The following CPEB3 variants were observed in gnomAD, a reference collection of about 807,000 sequenced individuals.
The protein encoded by CPEB3 is cytoplasmic polyadenylation element binding protein 3, also known as cytoplasmic polyadenylation element-binding protein 3.
Under a neutral mutation model 67.2 loss-of-function variants are expected in CPEB3, and 20 were observed. The observed-to-expected ratio is 0.30, with a 90% CI of 0.21 to 0.43. The LOEUF (loss-of-function observed/expected upper bound fraction) is 0.43, where lower values mean the gene tolerates loss of function less well. Among genes scored for constraint, CPEB3 ranks in the 20% least tolerant of loss-of-function variants. The probability of loss-of-function intolerance (pLI) is 1.00; values close to 1 mark genes in which losing one functional copy is unlikely to be tolerated. For missense variants in CPEB3, 746 were observed against 968.6 expected (o/e 0.77, Z 3.05); for synonymous variants, 376 against 393.1 (o/e 0.96, Z 0.51).
chr10:92,259,256 C>A (rs985156087), intron 1 of CPEB3, among the ~76,000 whole-genome samples: 8 of 151,934 alleles, frequency 5.3e-5, no homozygotes, highest in Non-Finnish European at 4.4e-5. Context: ...AGCCGCCACA[C>A]CCAGCCATTC....
At position 92,189,698 on chromosome 10, in the gene CPEB3, A is replaced by ATT. The variant is rs1035403421; in HGVS notation, c.1165+2777_1165+2778dup. Among the ~76,000 whole-genome samples, 210 of 88,056 alleles carry ATT rather than the reference A, an allele frequency of 2.4e-3. 20 individuals carry two copies. Among genetic ancestry groups the ATT allele is most frequent in the African/African-American group, 5.3e-3 (120 of 22,766 alleles). 57.8% of individuals were successfully genotyped at this position (88,056 alleles called of 152,430 possible). ...ACCTCTAGGTAGAGAGTCTCTAGTGATTTTTTTTTTTTTTTTTTTTTTTTT... is the reference window on the plus strand; with the variant it reads ...ACCTCTAGGTAGAGAGTCTCTAGTGATTTTTTTTTTTTTTTTTTTTTTTTTTT... On this transcript the variant is annotated intron_variant, in intron 3 of 9. Coordinates refer to ENST00000265997, the MANE Select transcript of CPEB3 (RefSeq NM_014912.5).
At chr10:92,174,697 C>A (rs555620899) in intron 4 of CPEB3, among the ~76,000 whole-genome samples, 5 of 152,236 alleles carry the variant, frequency 3.3e-5, no homozygotes, top group African/African-American at 1.2e-4. Flanking sequence ...TGAGGGTAAA[C>A]AATCATCTTT....
At chr10:92,252,841 G>A (rs1276547771) in intron 1 of CPEB3, among the ~76,000 whole-genome samples, 3 of 152,016 alleles carry the variant, frequency 2.0e-5, no homozygotes, top group Non-Finnish European at 4.4e-5. Context: ...GTATAAAACA[G>A]CATACATAAA....
chr10:92,270,479 C>G (rs989483369), intron 1 of CPEB3, among the ~76,000 whole-genome samples: 4 of 150,238 alleles, frequency 2.7e-5, no homozygotes, highest in Non-Finnish European at 5.9e-5. Flanking sequence ...AACTGGGAAA[C>G]AGGAGTGGGT....
chr10:92,201,402 C>T (rs1413149745), intron 2 of CPEB3, among the ~76,000 whole-genome samples: 1 of 152,150 alleles, frequency 6.6e-6, no homozygotes. Context: ...GTGGCATGTG[C>T]CTGTAAGCCC....
intron 1 of CPEB3, among the ~76,000 whole-genome samples, chr10:92,248,943 T>C (rs1852179789): frequency 6.6e-6 from 1 of 152,136 alleles, no homozygotes; most frequent in Non-Finnish European, 1.5e-5. Flanking sequence ...ACAATGATGG[T>C]CCCAAAGATT....
In CPEB3 at chr10:92,049,196, G is replaced by T. The variant is rs1312767527; in HGVS notation, c.*3016C>A. 1 of 152,184 alleles carries T rather than the reference G, an allele frequency of 6.6e-6. No homozygotes were observed. Among genetic ancestry groups the T allele is most frequent in the Non-Finnish European group, 1.5e-5 (1 of 67,954 alleles). 9.4% of individuals were successfully genotyped at this position (152,184 alleles called of 1,614,324 possible). On this transcript the variant is annotated 3_prime_UTR_variant, in exon 10 of 10. Coordinates refer to ENST00000265997, the MANE Select transcript of CPEB3 (RefSeq NM_014912.5). The stretch of plus-strand genomic sequence containing the variant: ...GCAATGAAAATAAATCTGCAATAAA[G>T]ATTTATGCCTTTTTTCTTTTCTTTT...
intron 4 of CPEB3, among the ~76,000 whole-genome samples, chr10:92,147,226 C>G (rs957889690): frequency 2.6e-5 from 4 of 152,146 alleles, no homozygotes; most frequent in African/African-American, 9.7e-5. Context: ...GAGGCCGAGG[C>G]AGGTGGATCA....
intron 6 of CPEB3, among the ~76,000 whole-genome samples, chr10:92,132,713 C>T (rs561283610): frequency 5.3e-5 from 8 of 152,228 alleles, no homozygotes; most frequent in East Asian, 1.9e-4. Context: ...ACAGAACATA[C>T]GTTCTTGTCA....
At chr10:92,183,372 G>A (rs1848548834) in intron 3 of CPEB3, among the ~76,000 whole-genome samples, 2 of 152,130 alleles carry the variant, frequency 1.3e-5, no homozygotes, top group African/African-American at 4.8e-5. Flanking sequence ...TTGGCAACAA[G>A]TGTTATCTCC....
chr10:92,233,255 G>A (rs1017166646), intron 2 of CPEB3, among the ~76,000 whole-genome samples: 1 of 152,134 alleles, frequency 6.6e-6, no homozygotes, highest in Non-Finnish European at 1.5e-5. Flanking sequence ...GGGGCCAGAT[G>A]CGGTGGCTCA....
intron 9 of CPEB3, among the ~76,000 whole-genome samples, chr10:92,080,151 G>A (rs1363236890): frequency 6.7e-6 from 1 of 149,830 alleles, no homozygotes; most frequent in African/African-American, 2.5e-5. Context: ...AGGTTGCAGT[G>A]AGCCAAGATT....
intron 9 of CPEB3, 83 bp downstream of exon 9, chr10:92,081,237 C>A: frequency 6.9e-7 from 1 of 1,445,114 alleles, no homozygotes; most frequent in Non-Finnish European, 9.7e-7. Context: ...CACTTATGAT[C>A]ATAAGGTGCC....
intron 2 of CPEB3, among the ~76,000 whole-genome samples, chr10:92,206,287 G>A (rs1458903646): frequency 6.6e-6 from 1 of 151,802 alleles, no homozygotes; most frequent in African/African-American, 2.4e-5. Context: ...TGGTCAGGCT[G>A]GTCTCGAACT....
chr10:92,234,099 T>C (rs1851407311), intron 2 of CPEB3, among the ~76,000 whole-genome samples: 2 of 142,574 alleles, frequency 1.4e-5, no homozygotes, highest in Admixed American at 1.4e-4. Flanking sequence ...GAGTGAGACT[T>C]TGTCTCAAAA....
At position 92,192,613 on chromosome 10, in the gene CPEB3, A is replaced by G; in HGVS notation, c.1029T>C (p.Thr343=). 6.2e-7 allele frequency: 1 copy of G among 1,611,944 alleles called. No individual in the cohort carries two copies. The highest frequency in any genetic ancestry group is 1.1e-5 in the South Asian group (1 of 90,390). Residue 343 remains threonine, a synonymous_variant, in exon 3 of 10, where the codon ACT becomes ACC. Transcript: ENST00000265997. ...AGTTCTCCAACGAGTGCAAGTTAAA[A>G]GTATCATAGGGCCTACTCCGGTCCT... ...PFQDRSRPYD[T]FNLHSLENSL...
At chr10:92,139,263 G>C (rs1211376782) in intron 6 of CPEB3, among the ~76,000 whole-genome samples, 1 of 144,322 alleles carries the variant, frequency 6.9e-6, no homozygotes, top group South Asian at 2.1e-4. Context: ...GACAACAAGA[G>C]TGAAACTCCA....
intron 2 of CPEB3, among the ~76,000 whole-genome samples, chr10:92,227,720 T>C (rs909153534): frequency 1.3e-5 from 2 of 149,310 alleles, no homozygotes; most frequent in African/African-American, 5.0e-5. Context: ...GCCTCCCGAG[T>C]AGCTGGGACT....
chr10:92,168,441 T>C (rs560442983), intron 4 of CPEB3, among the ~76,000 whole-genome samples: 3 of 152,304 alleles, frequency 2.0e-5, no homozygotes, highest in Admixed American at 1.3e-4. Flanking sequence ...CCTATTCTAG[T>C]GTGTTTTTTT....
Sources: allele counts gnomAD v4.1 joint callset (sites outside exome capture counted in the v4.1 genomes callset), GRCh38; gene constraint gnomAD v4.1.1; transcripts MANE v1.5; gene names NCBI Gene and HGNC (gene_info 2026-07-23, HGNC 2026-07-21).